TIA1: variants seen among roughly 807,000 people sequenced by gnomAD.
TIA1 encodes TIA1 cytotoxic granule associated RNA binding protein.
Under a neutral mutation model 65.9 loss-of-function variants are expected in TIA1, and 23 were observed. The observed-to-expected ratio is 0.35, with a 90% CI of 0.25 to 0.49. The LOEUF (loss-of-function observed/expected upper bound fraction) is 0.49. Ranked by LOEUF, TIA1 falls within the 20% of genes least tolerant of loss-of-function variation. The probability of loss-of-function intolerance (pLI) is 0.98; values close to 1 mark genes in which losing one functional copy is unlikely to be tolerated. For synonymous variants in TIA1, 147 were observed against 149.4 expected, an observed-to-expected ratio of 0.98 and a Z score of 0.12; for missense variants, 371 against 477.9, an observed-to-expected ratio of 0.78 and a Z score of 2.09.
intron 7 of TIA1, 72 bp downstream of exon 7, chr2:70,224,482 T>C (rs758428787): frequency 1.9e-6 from 3 of 1,590,634 alleles, no homozygotes; most frequent in Middle Eastern, 3.3e-4. Flanking sequence ...GAAAAAAAGA[T>C]TAGTAATTAA....
At chr2:70,233,285 G>C (rs1023087430) in intron 2 of TIA1, among the ~76,000 whole-genome samples, 3 of 152,140 alleles carry the variant, frequency 2.0e-5, no homozygotes, top group South Asian at 4.1e-4. Context: ...TTAATAGTTT[G>C]AGAGTCACTG....
chr2:70,228,909 C>T (rs1205619410), intron 5 of TIA1, 150 bp downstream of exon 5: 2 of 1,474,640 alleles, frequency 1.4e-6, no homozygotes, highest in African/African-American at 1.4e-5. Flanking sequence ...TTGGTCAACA[C>T]TGAGAAGGGA....
chr2:70,233,565 A>G (rs565905091), intron 2 of TIA1, among the ~76,000 whole-genome samples: 4 of 152,222 alleles, frequency 2.6e-5, no homozygotes, highest in African/African-American at 7.2e-5. Context: ...TCAGGAGATC[A>G]AGACCACCTG....
chr2:70,212,645 T>G lies in TIA1; in HGVS notation c.*74A>C. The stretch of plus-strand genomic sequence containing the variant: ...CATTTGCACTGACTGATTTGATAAA[T>G]CTTTAAGTAAACAACGGCTTTACTA... On this transcript the variant is annotated 3_prime_UTR_variant, in exon 13 of 13. Transcript: ENST00000433529. The G allele has an allele frequency of 1.1e-6, 1 of 886,842 alleles. No homozygotes were observed. Among genetic ancestry groups the G allele is most frequent in the Non-Finnish European group, 1.9e-6 (1 of 522,210 alleles). The allele number at this position is 886,842 out of a possible 1,614,324, so 54.9% of individuals were successfully genotyped here.
intron 5 of TIA1, among the ~76,000 whole-genome samples, chr2:70,228,177 C>A (rs1012853776): frequency 6.6e-6 from 1 of 152,078 alleles, no homozygotes; most frequent in Non-Finnish European, 1.5e-5. Flanking sequence ...TAATTATTTA[C>A]TTTTATTCAG....
Position 70,227,814 on chromosome 2 carries a change from G to A in TIA1, c.319C>T (p.His107Tyr). 6.3e-7 allele frequency: 1 copy of A among 1,597,020 alleles called. No homozygotes were observed. The highest frequency in any genetic ancestry group is 8.5e-7 in the Non-Finnish European group (1 of 1,169,650). Residue 107 changes from histidine to tyrosine, a missense_variant, in exon 6 of 13, where the codon CAT becomes TAT. His to Tyr is a moderately conservative substitution (Grantham distance 83, BLOSUM62 2). Coordinates refer to ENST00000433529, the MANE Select transcript of TIA1 (RefSeq NM_022173.4). ...VSTQRSQDHF[H>Y]VFVGDLSPEI... ...GGGCTGAGATCACCAACAAAGACAT[G>A]GAAATGATCTTATAAGGGGAAGGAA...
chr2:70,231,004 G>T (rs1160213403), intron 2 of TIA1, 150 bp from the exon 3 acceptor site: 2 of 578,994 alleles, frequency 3.5e-6, no homozygotes, highest in Non-Finnish European at 6.0e-6. Flanking sequence ...GTAAATTTTA[G>T]ATTTAAAAAA....
intron 1 of TIA1, among the ~76,000 whole-genome samples, chr2:70,237,775 A>C (rs1471962118): frequency 6.6e-6 from 1 of 151,598 alleles, no homozygotes; most frequent in Non-Finnish European, 1.5e-5. Context: ...CTGAGGCATG[A>C]GAATTGCTTG....
intron 2 of TIA1, among the ~76,000 whole-genome samples, chr2:70,233,521 C>T (rs1296014914): frequency 6.6e-6 from 1 of 152,078 alleles, no homozygotes. Context: ...GTAATCCCAG[C>T]ACTTTGGGAA....
At position 70,239,176 on chromosome 2, in the gene TIA1, T is replaced by C. The variant is rs376880876; in HGVS notation, c.27-3001A>G. ...GGCGTGATCTCGGCTCACTGCAAGC[T>C]CCGCCTCCTGAGTTCACGCCATTCT... On this transcript the variant is annotated intron_variant, in intron 1 of 12. Transcript: ENST00000433529. Among the ~76,000 whole-genome samples the C allele has an allele frequency of 1.3e-4, 20 of 152,296 alleles. No individual in the cohort carries two copies. In the East Asian group the frequency reaches 3.7e-3, roughly 28 times the overall value.
intron 1 of TIA1, among the ~76,000 whole-genome samples, chr2:70,243,539 A>G (rs1023853092): frequency 6.6e-6 from 1 of 152,168 alleles, no homozygotes; most frequent in Admixed American, 6.5e-5. Flanking sequence ...CATCACAAAG[A>G]ATAATCTGTT....
At chr2:70,239,101 C>A (rs1282506301) in intron 1 of TIA1, among the ~76,000 whole-genome samples, 1 of 152,014 alleles carries the variant, frequency 6.6e-6, no homozygotes, top group Non-Finnish European at 1.5e-5. Flanking sequence ...ACTATTTATT[C>A]ATTTATTTAG....
chr2:70,238,272 T>G (rs997576357), intron 1 of TIA1, among the ~76,000 whole-genome samples: 3 of 130,030 alleles, frequency 2.3e-5, no homozygotes, highest in Admixed American at 7.4e-5. Flanking sequence ...TTTTTTTTTT[T>G]TTTTTTTTTT....
rs1675934628 is a variant in TIA1, at chr2:70,209,486, T to C, written c.*3233A>G. 2.5e-6 allele frequency: 1 copy of C among 397,662 alleles called. No individual in the cohort carries two copies. The highest frequency in any genetic ancestry group is 4.4e-6 in the Non-Finnish European group (1 of 225,836). 24.6% of individuals were successfully genotyped at this position (397,662 alleles called of 1,614,324 possible). A position where few individuals can be genotyped will look rare whatever the true frequency, so the allele number is the denominator to read the frequency against. ...CACACATTTTATTAAGGCTCTTAAATTGAAACTCATCATTTTGGATGTACA... is the reference window on the plus strand; with the variant it reads ...CACACATTTTATTAAGGCTCTTAAACTGAAACTCATCATTTTGGATGTACA... On this transcript the variant is annotated 3_prime_UTR_variant, in exon 13 of 13. Coordinates refer to ENST00000433529, the MANE Select transcript of TIA1 (RefSeq NM_022173.4).
chr2:70,234,631 G>A (rs182594004), intron 2 of TIA1, among the ~76,000 whole-genome samples: 69 of 152,180 alleles, frequency 4.5e-4, no homozygotes, highest in East Asian at 2.7e-3. Context: ...GTGCAATCTC[G>A]GCTCACTGCA....
rs553548312 is a variant in TIA1, at chr2:70,217,089, T to C, written c.475-95A>G. ...GAGAAAACTTGGTGCTTTTCACAAA[T>C]GTTTAAGTGAAAATGCTCTATGAAA... On this transcript the variant is annotated intron_variant, in intron 7 of 12. Transcript: ENST00000433529. 2.4e-5 allele frequency: 31 copies of C among 1,290,264 alleles called. 1 individual carries two copies. The South Asian group carries it at 4.5e-4, about 19-fold the overall frequency. The allele number at this position is 1,290,264 out of a possible 1,614,324, so 79.9% of individuals were successfully genotyped here. A position where few individuals can be genotyped will look rare whatever the true frequency, so the allele number is the denominator to read the frequency against.
intron 1 of TIA1, among the ~76,000 whole-genome samples, chr2:70,241,489 G>C (rs574337881): frequency 5.6e-4 from 85 of 152,222 alleles, no homozygotes; most frequent in African/African-American, 2.0e-3. Flanking sequence ...GGTTTTACAT[G>C]ACTATGAATT....
At chr2:70,248,778 G>A (rs1695681197), upstream of TIA1, 1 of 386,148 alleles carries the variant, frequency 2.6e-6, no homozygotes, top group African/African-American at 2.0e-5. Flanking sequence ...CGCGAGGGAC[G>A]CCTCAGACTG....
At position 70,248,563 on chromosome 2, in the gene TIA1, C is replaced by T. The variant is rs1695565872; in HGVS notation, c.-133G>A. On this transcript the variant is annotated 5_prime_UTR_variant, in exon 1 of 13. Transcript: ENST00000433529. Reference sequence around the variant, plus strand: ...CCAGAGGTTACTCCGCCTCCTCCTCCGGCGGCAATTACACTAAACCGCCCG... The same window carrying T: ...CCAGAGGTTACTCCGCCTCCTCCTCTGGCGGCAATTACACTAAACCGCCCG... 1 of 1,376,608 alleles carries T rather than the reference C, an allele frequency of 7.3e-7. No individual in the cohort carries two copies. The highest frequency in any genetic ancestry group is 2.5e-5 in the East Asian group (1 of 40,704). The allele number at this position is 1,376,608 out of a possible 1,614,324, so 85.3% of individuals were successfully genotyped here.
Sources: gnomAD v4.1 joint callset for allele counts (sites outside exome capture counted in the v4.1 genomes callset) on GRCh38, gnomAD v4.1.1 for gene constraint, MANE v1.5 for transcripts, NCBI Gene and HGNC (gene_info 2026-07-23, HGNC 2026-07-21) for gene names.